The following CCDC171 variants were observed in gnomAD, a reference collection of about 807,000 sequenced individuals.
The protein encoded by CCDC171 is coiled-coil domain containing 171.
In CCDC171, 177 loss-of-function variants were observed where a neutral mutation model predicts 168.2. That is an observed-to-expected ratio of 1.05 (90% CI 0.93 to 1.19). CCDC171 has a LOEUF of 1.19. Ranked by LOEUF, CCDC171 falls within the 50% of genes most tolerant of loss-of-function variation. CCDC171 has a pLI of 0.00. For synonymous variants in CCDC171, 687 were observed against 540.8 expected, an observed-to-expected ratio of 1.27 and a Z score of -3.75; for missense variants, 1,991 against 1,539.0, an observed-to-expected ratio of 1.29 and a Z score of -4.91.
At chr9:15,931,261 C>G (rs1330759663) in intron 25 of CCDC171, among the ~76,000 whole-genome samples, 4 of 151,336 alleles carry the variant, frequency 2.6e-5, no homozygotes, top group African/African-American at 9.7e-5. Flanking sequence ...TTTTCTTTTG[C>G]CTTTTTGGTA....
At chr9:15,584,682 A>G (rs1203610506) in intron 4 of CCDC171, among the ~76,000 whole-genome samples, 2 of 152,222 alleles carry the variant, frequency 1.3e-5, no homozygotes, top group Non-Finnish European at 2.9e-5. Flanking sequence ...AGGAAGTCAG[A>G]GTAACCTTCC....
At chr9:15,790,216 A>G (rs897339739) in intron 21 of CCDC171, among the ~76,000 whole-genome samples, 6 of 152,166 alleles carry the variant, frequency 3.9e-5, no homozygotes, top group South Asian at 2.1e-4. Flanking sequence ...ACTCCCACCA[A>G]TGGTGTAAAA....
chr9:15,623,253 G>A lies in CCDC171; in HGVS notation c.676-14G>A, dbSNP rs768286724. 3.2e-5 allele frequency: 49 copies of A among 1,541,516 alleles called. No individual in the cohort carries two copies. The highest frequency in any genetic ancestry group is 4.1e-5 in the Non-Finnish European group (47 of 1,139,408). On this transcript the variant is annotated splice_polypyrimidine_tract_variant and intron_variant, in intron 6 of 25. Transcript: ENST00000380701. ...TTATAAACTTTATTGATGCAAAAAT[G>A]AATTATTTTCCAGGAGCAAGATACT...
chr9:15,912,462 G>GT (rs1450543978), intron 24 of CCDC171, among the ~76,000 whole-genome samples: 2 of 152,164 alleles, frequency 1.3e-5, no homozygotes, highest in African/African-American at 2.4e-5. Context: ...AGACGATGGG[G>GT]TTTTTTTAAT....
intron 24 of CCDC171, among the ~76,000 whole-genome samples, chr9:15,908,164 C>G (rs1589083449): frequency 6.6e-6 from 1 of 151,776 alleles, no homozygotes; most frequent in South Asian, 2.1e-4. Context: ...GGTATATACC[C>G]AAAGGACTAT....
At chr9:16,095,975 A>T in the CCDC171 span, among the ~76,000 whole-genome samples, 3 of 150,038 alleles carry the variant, frequency 2.0e-5, no homozygotes, top group African/African-American at 7.3e-5. Flanking sequence ...GCATTTGATA[A>T]ATATAATCAA....
intron 3 of CCDC171, among the ~76,000 whole-genome samples, chr9:15,573,897 C>T (rs2040430280): frequency 2.6e-5 from 4 of 151,586 alleles, no homozygotes; most frequent in African/African-American, 7.3e-5. Context: ...CCTGTATCTA[C>T]AAAAAATAAA....
At chr9:15,683,006 C>T (rs1397152277) in intron 10 of CCDC171, among the ~76,000 whole-genome samples, 1 of 151,936 alleles carries the variant, frequency 6.6e-6, no homozygotes, top group African/African-American at 2.4e-5. Flanking sequence ...AGCAGGGGAG[C>T]TTTCATTTTC....
Position 15,856,502 on chromosome 9 carries a change from C to T in CCDC171, c.3468+7555C>T, listed in dbSNP as rs549273104. On this transcript the variant is annotated intron_variant, in intron 23 of 25. Coordinates refer to ENST00000380701, the MANE Select transcript of CCDC171 (RefSeq NM_173550.4). ...AAGGTTCATCCATTTTGTTGTATTT[C>T]ATAAGATTTCCTTCTTTTAAAAGGC... Among the ~76,000 whole-genome samples, 24 of 152,030 alleles carry T rather than the reference C, an allele frequency of 1.6e-4. No individual in the cohort carries two copies. The South Asian group carries it at 5.0e-3, about 32-fold the overall frequency.
At chr9:15,569,814 C>G (rs548302868) in intron 2 of CCDC171, among the ~76,000 whole-genome samples, 8 of 92,966 alleles carry the variant, frequency 8.6e-5, no homozygotes, top group Non-Finnish European at 1.4e-4. Context: ...GACTCCGTCT[C>G]AAAAAAAAAC....
chr9:15,919,972 C>T (rs1825086411), intron 24 of CCDC171, among the ~76,000 whole-genome samples: 1 of 151,592 alleles, frequency 6.6e-6, no homozygotes, highest in Non-Finnish European at 1.5e-5. Flanking sequence ...TTTAACTTTA[C>T]TACAGAAAAT....
chr9:15,966,262 A>G lies in CCDC171; in HGVS notation c.3754-5347A>G, dbSNP rs952788419. ...TATGAAAGAGGCAGACCTTGACCAG[A>G]GTTTGAAACGTGGAGGACTCACCCA... On this transcript the variant is annotated intron_variant, in intron 25 of 25. Coordinates refer to ENST00000380701, the MANE Select transcript of CCDC171 (RefSeq NM_173550.4). Among the ~76,000 whole-genome samples, 28 of 152,350 alleles carry G rather than the reference A, an allele frequency of 1.8e-4. 1 individual carries two copies. Among genetic ancestry groups the G allele is most frequent in the Admixed American group, 1.2e-3 (19 of 15,298 alleles).
intron 21 of CCDC171, among the ~76,000 whole-genome samples, chr9:15,805,469 C>T (rs2059029603): frequency 6.6e-6 from 1 of 152,100 alleles, no homozygotes. Flanking sequence ...TTTCAAAGAA[C>T]TTCTTGATTT....
intron 21 of CCDC171, among the ~76,000 whole-genome samples, chr9:15,794,598 G>T (rs998184361): frequency 3.3e-5 from 5 of 152,052 alleles, no homozygotes; most frequent in African/African-American, 1.2e-4. Flanking sequence ...ATTATATCAG[G>T]TAATAGCAAA....
intron 24 of CCDC171, among the ~76,000 whole-genome samples, chr9:15,906,061 C>G (rs1242308662): frequency 6.6e-6 from 1 of 152,152 alleles, no homozygotes. Context: ...AATCCAGGAC[C>G]AGATGGATTC....
chr9:15,597,933 A>G (rs919226768), intron 6 of CCDC171, among the ~76,000 whole-genome samples: 5 of 152,134 alleles, frequency 3.3e-5, no homozygotes, highest in African/African-American at 1.2e-4. Flanking sequence ...TTATTTGCAT[A>G]GAGGTGTTTA....
intron 7 of CCDC171, among the ~76,000 whole-genome samples, chr9:15,626,605 A>G (rs201543260): frequency 1.3e-5 from 2 of 152,104 alleles, no homozygotes; most frequent in Admixed American, 6.6e-5. Flanking sequence ...TGTTTATATG[A>G]TGGATTACGT....
At chr9:15,677,994 T>G (rs1443632549) in intron 9 of CCDC171, among the ~76,000 whole-genome samples, 4 of 140,224 alleles carry the variant, frequency 2.9e-5, no homozygotes, top group Non-Finnish European at 6.1e-5. Flanking sequence ...ACTGCAACCT[T>G]GAACTCCTGG....
At position 15,713,458 on chromosome 9, in the gene CCDC171, C is replaced by T. The variant is rs142489846; in HGVS notation, c.1319-8311C>T. On this transcript the variant is annotated intron_variant, in intron 11 of 25. Transcript: ENST00000380701. ...TGCTCATACAACTTATTTGTGCCTT[C>T]GGGACTTTTATGCCACTTTCATTTG... Among the ~76,000 whole-genome samples the T allele has an allele frequency of 5.9e-5, 9 of 152,208 alleles. No individual in the cohort carries two copies. In the East Asian group the frequency reaches 9.6e-4, roughly 16 times the overall value.
Sources: allele counts gnomAD v4.1 joint callset (sites outside exome capture counted in the v4.1 genomes callset), GRCh38; gene constraint gnomAD v4.1.1; transcripts MANE v1.5; gene names NCBI Gene and HGNC (gene_info 2026-07-23, HGNC 2026-07-21).